The following CACNA1S variants were observed in gnomAD, a reference collection of about 807,000 sequenced individuals.
CACNA1S encodes voltage-dependent L-type calcium channel subunit alpha-1S.
In CACNA1S, 126 loss-of-function variants were observed where a neutral mutation model predicts 207.4. That is an observed-to-expected ratio of 0.61 (90% CI 0.53 to 0.70). CACNA1S has a LOEUF of 0.70. Ranked by LOEUF, CACNA1S falls within the 30% of genes least tolerant of loss-of-function variation. CACNA1S has a pLI of 0.00. For synonymous variants in CACNA1S, 960 were observed against 932.7 expected, an observed-to-expected ratio of 1.03 and a Z score of -0.53; for missense variants, 2,349 against 2,422.8, an observed-to-expected ratio of 0.97 and a Z score of 0.64.
At chr1:201,084,800 A>T in intron 9 of CACNA1S, 150 bp downstream of exon 9, 2 of 655,774 alleles carry the variant, frequency 3.0e-6, no homozygotes, top group Non-Finnish European at 5.5e-6. Flanking sequence ...CCCTCAGAGC[A>T]GGAACTGGCC....
In CACNA1S at chr1:201,074,717, ACT is replaced by A. The variant is rs66932448; in HGVS notation, c.1949-99_1949-98del. On this transcript the variant is annotated intron_variant, in intron 13 of 43. Coordinates refer to ENST00000362061, the MANE Select transcript of CACNA1S (RefSeq NM_000069.3). ...CTGCATGTGGGCAGGACCTAACCCC[ACT>A]CTCCCAGAGCTACCCATGGGAAGGT... 0.77 allele frequency: 588,177 copies of A among 759,974 alleles called. 230,940 individuals carry two copies. The highest frequency in any genetic ancestry group is 0.96 in the East Asian group (36,087 of 37,410). The allele number at this position is 759,974 out of a possible 1,614,324, so 47.1% of individuals were successfully genotyped here.
intron 2 of CACNA1S, among the ~76,000 whole-genome samples, chr1:201,103,765 G>A (rs1394585507): frequency 6.6e-6 from 1 of 152,190 alleles, no homozygotes; most frequent in African/African-American, 2.4e-5. Flanking sequence ...CGAGGGGAAT[G>A]GGCTGCTGGC....
Position 201,089,385 on chromosome 1 carries a change from C to A in CACNA1S, c.773G>T (p.Gly258Val), listed in dbSNP as rs35534614. Reference sequence around the variant, plus strand: ...TGGCCAGCCGCCCCGGCACTCACTGCCATTGATGGTGCACCGGCGCCCTGA... The same window carrying A: ...TGGCCAGCCGCCCCGGCACTCACTGACATTGATGGTGCACCGGCGCCCTGA... ...TGSGRRCTINGSECRGGWPGP... is the reference protein window; with the variant it reads ...TGSGRRCTINVSECRGGWPGP... The change falls in exon 6 of 44, where the codon GGC becomes GTC. Residue 258 changes from glycine (G) to valine (V), a missense_variant. Physicochemically the swap from Gly to Val is moderately radical, Grantham distance 109. Coordinates refer to ENST00000362061, the MANE Select transcript of CACNA1S (RefSeq NM_000069.3). 285 of 1,614,124 alleles carry A rather than the reference C, an allele frequency of 1.8e-4. 1 individual carries two copies. The highest frequency in any genetic ancestry group is 2.6e-5 in the Non-Finnish European group (31 of 1,180,048).
chr1:201,091,519 C>A (rs1487092903), intron 5 of CACNA1S, 121 bp downstream of exon 5: 2 of 1,126,890 alleles, frequency 1.8e-6, no homozygotes, highest in African/African-American at 1.5e-5. Context: ...AACCCATTCT[C>A]AAGGTCAACA....
intron 17 of CACNA1S, 27 bp downstream of exon 17, chr1:201,070,245 C>T: frequency 6.2e-7 from 1 of 1,613,544 alleles, no homozygotes; most frequent in Non-Finnish European, 8.5e-7. Context: ...GCATCAATCA[C>T]CCCCACAGCA....
chr1:201,107,548 C>T (rs540758277), intron 2 of CACNA1S, among the ~76,000 whole-genome samples: 7 of 152,310 alleles, frequency 4.6e-5, no homozygotes, highest in African/African-American at 1.7e-4. Flanking sequence ...GTGATAGACA[C>T]TAAAGATGCA....
In CACNA1S at chr1:201,078,065, T is replaced by G. The variant is rs766546209; in HGVS notation, c.1433A>C (p.Glu478Ala). The change falls in exon 11 of 44, where the codon GAG becomes GCG. Residue 478 changes from glutamate (E) to alanine (A), a missense_variant. By Grantham distance (107) the Glu-to-Ala change is moderately radical (BLOSUM62 -1). Coordinates refer to ENST00000362061, the MANE Select transcript of CACNA1S (RefSeq NM_000069.3). ...CAGCCCGTACATCTTCATCAGCATC[T>G]CAGTGGTGAAGAGGGACAGCAGCAC... is the stretch of plus-strand genomic sequence containing the variant. Reference protein sequence around the residue: ...NRVLLSLFTTEMLMKMYGLGL... With the variant: ...NRVLLSLFTTAMLMKMYGLGL... 6.2e-7 allele frequency: 1 copy of G among 1,614,136 alleles called. No homozygotes were observed. The highest frequency in any genetic ancestry group is 8.5e-7 in the Non-Finnish European group (1 of 1,180,016).
chr1:201,078,601 G>A (rs1333860114), intron 10 of CACNA1S, among the ~76,000 whole-genome samples: 2 of 150,758 alleles, frequency 1.3e-5, no homozygotes, highest in South Asian at 4.2e-4. Context: ...AACAGGAAGA[G>A]GATTTTATTA....
chr1:201,087,868 C>T lies in CACNA1S; in HGVS notation c.962G>A (p.Gly321Glu). The change falls in exon 7 of 44, where the codon GGA becomes GAA. Residue 321 changes from glycine (G) to glutamate (E), a missense_variant. By Grantham distance (98) the Gly-to-Glu change is moderately conservative (BLOSUM62 -2). Transcript: ENST00000362061. ...WIYFVTLILL[G>E]SFFILNLVLG... ...CACCAGGTTGAGGATGAAGAAGGAT[C>T]CCAGCAAAATGAGGGTGACAAAATA... The T allele has an allele frequency of 1.2e-6, 2 of 1,614,000 alleles. No homozygotes were observed. Among genetic ancestry groups the T allele is most frequent in the Non-Finnish European group, 1.7e-6 (2 of 1,179,920 alleles).
chr1:201,084,957 G>T lies in CACNA1S; in HGVS notation c.1225C>A (p.Gln409Lys). 6.2e-7 allele frequency: 1 copy of T among 1,611,396 alleles called. No individual in the cohort carries two copies. The highest frequency in any genetic ancestry group is 8.5e-7 in the Non-Finnish European group (1 of 1,178,338). Reference sequence around the variant, plus strand: ...CAGTGGGCAGATACTCACATGAACTGGATGATTTTGTTCAAGCCTGCAATT... The same window carrying T: ...CAGTGGGCAGATACTCACATGAACTTGATGATTTTGTTCAAGCCTGCAATT... ...YEIAGLNKII[Q>K]FIRHWRQWNR... The change falls in exon 9 of 44, where the codon CAG (glutamine) becomes AAG (lysine). Residue 409 changes from glutamine to lysine, a missense_variant. Gln to Lys is a moderately conservative substitution (Grantham distance 53). Transcript: ENST00000362061.
Position 201,066,457 on chromosome 1 carries a change from C to T in CACNA1S, c.2658-141G>A, listed in dbSNP as rs1368242133. On this transcript the variant is annotated intron_variant, in intron 20 of 43. Transcript: ENST00000362061. The surrounding 1 kb of genome is among the most constrained non-coding windows in gnomAD (Gnocchi z 4.3). ...CACTCCCACCTTCCCCTTCCCTTTCCTCCAGCCGTGAGAGTGTGCCCGACT... is the reference window on the plus strand; with the variant it reads ...CACTCCCACCTTCCCCTTCCCTTTCTTCCAGCCGTGAGAGTGTGCCCGACT... 2 of 744,828 alleles carry T rather than the reference C, an allele frequency of 2.7e-6. No individual in the cohort carries two copies. Among genetic ancestry groups the T allele is most frequent in the African/African-American group, 1.7e-5 (1 of 58,170 alleles). 46.1% of individuals were successfully genotyped at this position (744,828 alleles called of 1,614,324 possible).
At chr1:201,059,820 C>T (rs1660976931) in intron 26 of CACNA1S, among the ~76,000 whole-genome samples, 1 of 152,186 alleles carries the variant, frequency 6.6e-6, no homozygotes, top group Non-Finnish European at 1.5e-5. Flanking sequence ...TGGTGAGGCC[C>T]CTGTCACCTA....
At position 201,091,736 on chromosome 1, in the gene CACNA1S, C is replaced by T. The variant is rs527702358; in HGVS notation, c.598G>A (p.Ala200Thr). The change falls in exon 5 of 44, where the codon GCC (alanine) becomes ACC (threonine). Residue 200 changes from alanine (A) to threonine (T), a missense_variant. Physicochemically the swap from Ala to Thr is moderately conservative, Grantham distance 58. Coordinates refer to ENST00000362061, the MANE Select transcript of CACNA1S (RefSeq NM_000069.3). ...ATGACCATAAAGAGGACCAGCAGGG[C>T]GATGTGAAAGAGGGGGAGCATGGCC... ...FKAMLPLFHI[A>T]LLVLFMVIIY... 108 of 1,614,042 alleles carry T rather than the reference C, an allele frequency of 6.7e-5. No individual in the cohort carries two copies. The highest frequency in any genetic ancestry group is 4.9e-4 in the Middle Eastern group (3 of 6,062).
chr1:201,077,066 A>G lies in CACNA1S; in HGVS notation c.1681T>C (p.Ser561Pro), dbSNP rs1661651792. 1 of 1,614,160 alleles carries G rather than the reference A, an allele frequency of 6.2e-7. No homozygotes were observed. Among genetic ancestry groups the G allele is most frequent in the Non-Finnish European group, 8.5e-7 (1 of 1,180,028 alleles). The change falls in exon 12 of 44, where the codon TCC becomes CCC. Residue 561 changes from serine to proline, a missense_variant. Physicochemically the swap from Ser to Pro is moderately conservative, Grantham distance 74. Transcript: ENST00000362061. ...AAGAGGAAGAGCAGCAGCAGCAGGG[A>G]GGCGATGGAGCGGATGGAGTTGAGC... Reference protein sequence around the residue: ...SLLNSIRSIASLLLLLFLFIV... With the variant: ...SLLNSIRSIAPLLLLLFLFIV...
intron 9 of CACNA1S, 40 bp downstream of exon 9, chr1:201,084,910 T>C: frequency 7.4e-7 from 1 of 1,357,160 alleles, no homozygotes; most frequent in East Asian, 2.3e-5. Context: ...CTCAGGGAGC[T>C]GGGGGTTGGG....
intron 10 of CACNA1S, among the ~76,000 whole-genome samples, chr1:201,082,712 A>C (rs996905127): frequency 6.6e-6 from 1 of 152,226 alleles, no homozygotes; most frequent in African/African-American, 2.4e-5. Context: ...TGTTCTCTGT[A>C]TCCTGAGTTC....
intron 19 of CACNA1S, among the ~76,000 whole-genome samples, chr1:201,067,218 GTC>G (rs1251521457): frequency 2.0e-5 from 3 of 152,350 alleles, no homozygotes; most frequent in African/African-American, 7.2e-5. Context: ...TGGGCCAGAA[GTC>G]TCTTTCTTTA....
chr1:201,072,754 C>T lies in CACNA1S; in HGVS notation c.2227+1G>A. 6.2e-7 allele frequency: 1 copy of T among 1,612,252 alleles called. No individual in the cohort carries two copies. Among genetic ancestry groups the T allele is most frequent in the Non-Finnish European group, 8.5e-7 (1 of 1,178,316 alleles). ...TCCAGTCCAGTCTCCAGCATCCTCA[C>T]CTGGGAAGTCGGCTGAGGGGTAGGG... On this transcript the variant is annotated splice_donor_variant, in intron 16 of 43. Coordinates refer to ENST00000362061, the MANE Select transcript of CACNA1S (RefSeq NM_000069.3). LOFTEE classifies it high-confidence loss of function.
At chr1:201,112,025 G>A (rs540772389) in intron 1 of CACNA1S, among the ~76,000 whole-genome samples, 163 bp downstream of exon 1, 2 of 77,472 alleles carry the variant, frequency 2.6e-5, no homozygotes, top group Non-Finnish European at 5.0e-5. Context: ...CTGCTTAGCC[G>A]AGGGCTCCTT....
Sources: allele counts gnomAD v4.1 joint callset (sites outside exome capture counted in the v4.1 genomes callset), GRCh38; gene constraint gnomAD v4.1.1; non-coding constraint Gnocchi (gnomAD v3.1); transcripts MANE v1.5; gene names NCBI Gene and HGNC (gene_info 2026-07-23, HGNC 2026-07-21).